CHRNA3: variants seen among roughly 807,000 people sequenced by gnomAD.
CHRNA3 encodes cholinergic receptor nicotinic alpha 3 subunit.
Under a neutral mutation model 41.9 loss-of-function variants are expected in CHRNA3, and 34 were observed. That is an observed-to-expected ratio of 0.81 (90% CI 0.62 to 1.08). The LOEUF (loss-of-function observed/expected upper bound fraction) is 1.08, where lower values mean the gene tolerates loss of function less well. CHRNA3 is among the 50% of genes least tolerant of loss of function. The pLI is 0.00. For missense variants in CHRNA3, 542 were observed against 638.3 expected (o/e 0.85, Z 1.63); for synonymous variants, 281 against 265.2 (o/e 1.06, Z -0.58).
At chr15:78,617,162 G>A (rs1186549883) in intron 3 of CHRNA3, 29 bp from the exon 4 acceptor site, 5 of 1,480,510 alleles carry the variant, frequency 3.4e-6, no homozygotes, top group Non-Finnish European at 4.7e-6. Context: ...GAGGGAGAAG[G>A]AGACGGTAAA....
Position 78,601,946 on chromosome 15 carries a change from T to C in CHRNA3, c.696A>G (p.Thr232=), listed in dbSNP as rs202208442. The C allele has an allele frequency of 1.2e-6, 2 of 1,613,464 alleles. No homozygotes were observed. The highest frequency in any genetic ancestry group is 2.2e-5 in the South Asian group (2 of 91,036). Residue 232 remains threonine (T), a synonymous_variant, in exon 5 of 6, where the codon ACA becomes ACG. Coordinates refer to ENST00000326828, the MANE Select transcript of CHRNA3 (RefSeq NM_000743.5). ...GCAGGCGCCGGATGTACAGCGAGTA[T>C]GTGATGTCGGGGTAGATCTCCTCGC... is the stretch of plus-strand genomic sequence containing the variant. ...NCCEEIYPDI[T]YSLYIRRLPL...
rs778777491 is a variant in CHRNA3 at position 78,618,765 on chromosome 15, C to A, written c.222+11G>T. The stretch of plus-strand genomic sequence containing the variant: ...TCCCCATGGCCACGGCTCGTGGCTT[C>A]CAGCACTCACCACCTTCACCAGCTG... On this transcript the variant is annotated intron_variant, in intron 2 of 5. Coordinates refer to ENST00000326828, the MANE Select transcript of CHRNA3 (RefSeq NM_000743.5). The A allele has an allele frequency of 2.5e-6, 4 of 1,613,942 alleles. No individual in the cohort carries two copies. In the East Asian group the frequency reaches 8.9e-5, roughly 36 times the overall value.
Position 78,596,755 on chromosome 15 carries a change from A to G in CHRNA3, c.1390-23T>C. ...AATCTGCAAAACAAAATGATAAAAG[A>G]AAAAAAACATGGAGGGAAAGGCAAA... On this transcript the variant is annotated intron_variant, in intron 5 of 5. Coordinates refer to ENST00000326828, the MANE Select transcript of CHRNA3 (RefSeq NM_000743.5). The G allele has an allele frequency of 3.8e-6, 6 of 1,585,376 alleles. No individual in the cohort carries two copies. In the South Asian group the frequency reaches 5.8e-5, roughly 15 times the overall value.
chr15:78,617,580 G>A (rs1433469959), intron 3 of CHRNA3, among the ~76,000 whole-genome samples: 49 of 152,200 alleles, frequency 3.2e-4, no homozygotes, highest in Admixed American at 3.2e-3. Context: ...GATTCCGGGG[G>A]AAGAATCCAT....
chr15:78,599,687 C>G (rs1287924270), intron 5 of CHRNA3, among the ~76,000 whole-genome samples: 1 of 136,834 alleles, frequency 7.3e-6, no homozygotes, highest in African/African-American at 2.8e-5. Flanking sequence ...TATTGGCATG[C>G]CTTCTCAAGA....
chr15:78,610,784 G>A (rs2141337076), intron 4 of CHRNA3, among the ~76,000 whole-genome samples: 1 of 152,162 alleles, frequency 6.6e-6, no homozygotes, highest in Admixed American at 6.5e-5. Flanking sequence ...AATGAATCCA[G>A]GAGCTGGTTT....
Position 78,602,016 on chromosome 15 carries a change from A to T in CHRNA3, c.626T>A (p.Ile209Asn). The change falls in exon 5 of 6, where the codon ATC becomes AAC. Residue 209 changes from isoleucine to asparagine, a missense_variant. Physicochemically the swap from Ile to Asn is moderately radical, Grantham distance 149 (BLOSUM62 -3). Coordinates refer to ENST00000326828, the MANE Select transcript of CHRNA3 (RefSeq NM_000743.5). ...GTGTTTGTAGCCTGGGGCTTTGATG[A>T]TGGCCCACTCGCCGCTCTCCCAATA... ...KDYWESGEWA[I>N]IKAPGYKHDI... is the part of the protein sequence containing the mutation. 6.2e-7 allele frequency: 1 copy of T among 1,613,348 alleles called. No homozygotes were observed. Among genetic ancestry groups the T allele is most frequent in the South Asian group, 1.1e-5 (1 of 91,056 alleles).
chr15:78,617,433 C>G (rs768634010), intron 3 of CHRNA3, among the ~76,000 whole-genome samples: 2 of 152,156 alleles, frequency 1.3e-5, no homozygotes, highest in Non-Finnish European at 2.9e-5. Context: ...ACTTCTAGTG[C>G]CAGGTGGAGA....
intron 3 of CHRNA3, among the ~76,000 whole-genome samples, chr15:78,617,619 G>C (rs1596084900): frequency 6.6e-6 from 1 of 152,282 alleles, no homozygotes; most frequent in East Asian, 1.9e-4. Flanking sequence ...GAAGTGTCTG[G>C]GTCCAGAGGC....
At chr15:78,605,140 A>T (rs1220848597) in intron 4 of CHRNA3, among the ~76,000 whole-genome samples, 1 of 152,148 alleles carries the variant, frequency 6.6e-6, no homozygotes, top group Non-Finnish European at 1.5e-5. Flanking sequence ...GGTGCAAATG[A>T]TCAGCTGAGG....
At chr15:78,594,058 C>CAACT (rs370468126), downstream of CHRNA3, 46 of 152,120 alleles carry the variant, frequency 3.0e-4, no homozygotes, top group African/African-American at 1.1e-3. Context: ...ATAATAACAA[C>CAACT]AACTTAATGT....
intron 5 of CHRNA3, among the ~76,000 whole-genome samples, chr15:78,597,539 G>A (rs2053132994): frequency 6.6e-6 from 1 of 152,118 alleles, no homozygotes; most frequent in African/African-American, 2.4e-5. Context: ...CCCTCTCCAC[G>A]ATGCCCAGCT....
rs1286881694 is a variant in CHRNA3, at chr15:78,595,402, G to A, written c.*1202C>T. ...ATCATCTGTCAGTGGTGATGATCAC[G>A]TTAAGTTTCAGAAGTGTAGTACATG... On this transcript the variant is annotated 3_prime_UTR_variant, in exon 6 of 6. Transcript: ENST00000326828. 1.7e-5 allele frequency: 17 copies of A among 984,802 alleles called. No homozygotes were observed. Among genetic ancestry groups the A allele is most frequent in the Middle Eastern group, 5.2e-4 (1 of 1,912 alleles). 61.0% of individuals were successfully genotyped at this position (984,802 alleles called of 1,614,324 possible).
At position 78,618,175 on chromosome 15, in the gene CHRNA3, T is replaced by C. The variant is rs2053493846; in HGVS notation, c.267+442A>G. Among the ~76,000 whole-genome samples the C allele has an allele frequency of 2.0e-5, 3 of 152,226 alleles. No homozygotes were observed. In the South Asian group the frequency reaches 6.2e-4, roughly 32 times the overall value. Reference sequence around the variant, plus strand: ...GGCAGGAGAACTGCTTGAACCCTGCTGGTGGAGATTGCAGTGAGCCGAGAT... The same window carrying C: ...GGCAGGAGAACTGCTTGAACCCTGCCGGTGGAGATTGCAGTGAGCCGAGAT... On this transcript the variant is annotated intron_variant, in intron 3 of 5. Coordinates refer to ENST00000326828, the MANE Select transcript of CHRNA3 (RefSeq NM_000743.5).
In CHRNA3 at chr15:78,596,563, T is replaced by C; in HGVS notation, c.*41A>G. 1 of 1,476,866 alleles carries C rather than the reference T, an allele frequency of 6.8e-7. No individual in the cohort carries two copies. Among genetic ancestry groups the C allele is most frequent in the African/African-American group, 1.4e-5 (1 of 69,994 alleles). The allele number at this position is 1,476,866 out of a possible 1,614,324, so 91.5% of individuals were successfully genotyped here. A position where few individuals can be genotyped will look rare whatever the true frequency, so the allele number is the denominator to read the frequency against. ...ACTAGGAAGCAGCCTCCTCCTGCCC[T>C]GACACAAGGAAGTCTCCCAGGCAGG... On this transcript the variant is annotated 3_prime_UTR_variant, in exon 6 of 6. Transcript: ENST00000326828.
chr15:78,602,338 C>A, intron 4 of CHRNA3, 74 bp from the exon 5 acceptor site: 1 of 1,454,186 alleles, frequency 6.9e-7, no homozygotes, highest in South Asian at 1.3e-5. Flanking sequence ...TCTCAACCAG[C>A]TTCTCACAGT....
At chr15:78,613,776 C>CAAA (rs1491236281) in intron 4 of CHRNA3, among the ~76,000 whole-genome samples, 19 of 66,190 alleles carry the variant, frequency 2.9e-4, no homozygotes, top group Non-Finnish European at 3.9e-4. Flanking sequence ...AAAAAAAAAA[C>CAAA]CAAAAAAAAC....
chr15:78,618,894 T>G lies in CHRNA3; in HGVS notation c.104A>C (p.Glu35Ala). 1.2e-6 allele frequency: 2 copies of G among 1,613,632 alleles called. No individual in the cohort carries two copies. The highest frequency in any genetic ancestry group is 1.7e-6 in the Non-Finnish European group (2 of 1,179,966). Residue 35 changes from glutamate to alanine, a missense_variant, in exon 2 of 6, where the codon GAG (glutamate) becomes GCG (alanine). Transcript: ENST00000326828. ...AAACAGCCGCTCAAATAGACGGTGC[T>G]CAGCCTCTGAGGCCCTGGCCACTGT... ...LLPVARASEA[E>A]HRLFERLFED...
At chr15:78,606,527 T>C (rs1184359482) in intron 4 of CHRNA3, among the ~76,000 whole-genome samples, 1 of 152,028 alleles carries the variant, frequency 6.6e-6, no homozygotes, top group Non-Finnish European at 1.5e-5. Flanking sequence ...ATAATTTGGT[T>C]AAATGAAAGA....
Sources: allele counts gnomAD v4.1 joint callset (sites outside exome capture counted in the v4.1 genomes callset), GRCh38; gene constraint gnomAD v4.1.1; transcripts MANE v1.5; gene names NCBI Gene and HGNC (gene_info 2026-07-23, HGNC 2026-07-21).